LINGO2: variants seen among roughly 807,000 people sequenced by gnomAD.
LINGO2 encodes leucine-rich repeat and immunoglobulin-like domain-containing nogo receptor-interacting protein 2.
In LINGO2, 14 loss-of-function variants were observed where a neutral mutation model predicts 30.6. The ratio of observed to expected loss-of-function variants is 0.46; its 90% confidence interval spans 0.30 to 0.72. LINGO2 has a LOEUF of 0.72. Ranked by LOEUF, LINGO2 falls within the 30% of genes least tolerant of loss-of-function variation. The pLI is 0.07. For synonymous variants in LINGO2, 317 were observed against 288.5 expected, an observed-to-expected ratio of 1.10 and a Z score of -1.00; for missense variants, 729 against 751.7, an observed-to-expected ratio of 0.97 and a Z score of 0.35.
intron 2 of LINGO2, among the ~76,000 whole-genome samples, chr9:28,386,159 C>G (rs1821572132): frequency 6.6e-6 from 1 of 152,136 alleles, no homozygotes; most frequent in Non-Finnish European, 1.5e-5. Flanking sequence ...TAGTGTATCT[C>G]TGTTTTAAAG....
At chr9:28,325,030 C>G (rs919696428) in intron 3 of LINGO2, among the ~76,000 whole-genome samples, 2 of 151,864 alleles carry the variant, frequency 1.3e-5, no homozygotes, top group Admixed American at 1.3e-4. Flanking sequence ...TTCCACGTAT[C>G]TCTCTTTCAG....
At chr9:29,065,100 C>A in the LINGO2 span, among the ~76,000 whole-genome samples, 1 of 152,048 alleles carries the variant, frequency 6.6e-6, no homozygotes, top group Non-Finnish European at 1.5e-5. Flanking sequence ...GAATTTAGCC[C>A]TAAGATACTC....
the LINGO2 span, among the ~76,000 whole-genome samples, chr9:28,699,077 A>G: frequency 7.7e-6 from 1 of 129,042 alleles, no homozygotes; most frequent in Non-Finnish European, 1.7e-5. Flanking sequence ...CAAAACAACA[A>G]AAACACCGAA....
At chr9:28,718,616 T>C in the LINGO2 span, among the ~76,000 whole-genome samples, 1 of 152,042 alleles carries the variant, frequency 6.6e-6, no homozygotes, top group Non-Finnish European at 1.5e-5. Context: ...TATTTTCCAC[T>C]AAAGAGTCTT....
rs79604349 is a variant in LINGO2, at chr9:28,288,393, T to C, written c.-87+6815A>G. Among the ~76,000 whole-genome samples the C allele has an allele frequency of 7.7e-4, 118 of 152,312 alleles. 1 individual carries two copies. Among genetic ancestry groups the C allele is most frequent in the Non-Finnish European group, 1.6e-3 (109 of 68,022 alleles). ...CCATTTGATTGAAGTGCAGCTGAAA[T>C]GCCTCTTAAGCTTCATGCTTTTTAA... On this transcript the variant is annotated intron_variant, in intron 4 of 5. Transcript: ENST00000379992.
intron 4 of LINGO2, among the ~76,000 whole-genome samples, chr9:28,093,768 CTG>C (rs1421577004): frequency 1.3e-5 from 2 of 151,968 alleles, no homozygotes; most frequent in African/African-American, 2.4e-5. Context: ...GTGTGGCAGA[CTG>C]AGCCACGAGA....
the LINGO2 span, among the ~76,000 whole-genome samples, chr9:28,922,421 G>T: frequency 5.3e-5 from 8 of 152,048 alleles, no homozygotes; most frequent in Admixed American, 5.2e-4. Context: ...ACTTTTAGAT[G>T]ATAAGTTTCA....
chr9:29,183,266 C>G, the LINGO2 span, among the ~76,000 whole-genome samples: 12 of 152,098 alleles, frequency 7.9e-5, no homozygotes, highest in South Asian at 4.2e-4. Flanking sequence ...AAAGAAATAT[C>G]CTTTTGAATG....
At chr9:27,956,429 A>T (rs568222381) in intron 5 of LINGO2, among the ~76,000 whole-genome samples, 2 of 152,180 alleles carry the variant, frequency 1.3e-5, no homozygotes, top group Non-Finnish European at 2.9e-5. Flanking sequence ...TATAAATGTT[A>T]TGTATATATT....
At chr9:28,359,892 C>T (rs61185216) in intron 3 of LINGO2, among the ~76,000 whole-genome samples, 21,746 of 152,112 alleles carry the variant, frequency 0.14, 1,901 homozygotes, top group East Asian at 0.39. Context: ...CCAGTTTACC[C>T]TAGGGGCTGA....
At chr9:29,147,389 G>T in the LINGO2 span, among the ~76,000 whole-genome samples, 1 of 151,988 alleles carries the variant, frequency 6.6e-6, no homozygotes, top group African/African-American at 2.4e-5. Context: ...TTAATTTACG[G>T]TATATTTATT....
At chr9:28,181,888 C>T (rs1388682728) in intron 4 of LINGO2, among the ~76,000 whole-genome samples, 2 of 152,078 alleles carry the variant, frequency 1.3e-5, no homozygotes, top group South Asian at 2.1e-4. Flanking sequence ...CCATACCACC[C>T]AAAGTAATTT....
At chr9:28,450,076 A>T (rs1414490674) in intron 2 of LINGO2, among the ~76,000 whole-genome samples, 3 of 151,990 alleles carry the variant, frequency 2.0e-5, no homozygotes, top group African/African-American at 7.2e-5. Context: ...AGTCTTGTGG[A>T]TTGAATTTCC....
intron 4 of LINGO2, among the ~76,000 whole-genome samples, chr9:28,031,410 G>C (rs943731737): frequency 1.3e-5 from 2 of 150,158 alleles, no homozygotes; most frequent in Admixed American, 6.6e-5. Context: ...TTATATTTAT[G>C]GGTTACAATA....
At chr9:29,004,218 G>C in the LINGO2 span, among the ~76,000 whole-genome samples, 1 of 151,654 alleles carries the variant, frequency 6.6e-6, no homozygotes, top group African/African-American at 2.4e-5. Flanking sequence ...CTTTATATGT[G>C]ATATTTCTCT....
intron 3 of LINGO2, among the ~76,000 whole-genome samples, chr9:28,345,605 G>A (rs1327704750): frequency 2.0e-5 from 3 of 152,120 alleles, no homozygotes. Context: ...CACAACATGG[G>A]CCTTTTGAAG....
At chr9:28,502,849 C>T (rs1170911377) in intron 1 of LINGO2, among the ~76,000 whole-genome samples, 1 of 152,012 alleles carries the variant, frequency 6.6e-6, no homozygotes, top group Non-Finnish European at 1.5e-5. Flanking sequence ...GAGAGTAGCA[C>T]ATTATCATTT....
At chr9:28,587,107 T>C (rs991857763) in intron 1 of LINGO2, among the ~76,000 whole-genome samples, 1 of 151,950 alleles carries the variant, frequency 6.6e-6, no homozygotes, top group African/African-American at 2.4e-5. Context: ...ATTTTGCACA[T>C]TGGGAACTGA....
intron 1 of LINGO2, among the ~76,000 whole-genome samples, chr9:28,600,064 A>T (rs1452414483): frequency 6.6e-6 from 1 of 152,192 alleles, no homozygotes; most frequent in African/African-American, 2.4e-5. Flanking sequence ...ACTAGATTCT[A>T]CTATAAAGAG....
Sources: allele counts gnomAD v4.1 joint callset (sites outside exome capture counted in the v4.1 genomes callset), GRCh38; gene constraint gnomAD v4.1.1; transcripts MANE v1.5; gene names NCBI Gene and HGNC (gene_info 2026-07-23, HGNC 2026-07-21).